BLTP1: variants seen among roughly 807,000 people sequenced by gnomAD.
BLTP1 encodes bridge-like lipid transfer protein family member 1.
chr4:122,257,509 C>T, the BLTP1 span: 1 of 1,612,968 alleles, frequency 6.2e-7, no homozygotes, highest in Non-Finnish European at 8.5e-7. Flanking sequence ...GTTTTGTAAG[C>T]CTCTATTGAG....
chr4:122,200,587 A>C, the BLTP1 span: 218 of 938,354 alleles, frequency 2.3e-4, 1 homozygote, highest in East Asian at 6.7e-3. Context: ...TCAAAACAAA[A>C]AAAAAAAAAA....
chr4:122,232,863 A>G, the BLTP1 span, among the ~76,000 whole-genome samples: 1 of 151,888 alleles, frequency 6.6e-6, no homozygotes, highest in African/African-American at 2.4e-5. Context: ...GATTCCTAGG[A>G]CTCGTGACGA....
the BLTP1 span, chr4:122,214,154 ATTG>A: frequency 3.8e-5 from 33 of 877,028 alleles, no homozygotes; most frequent in South Asian, 1.3e-3. Flanking sequence ...CTTTTAGCCT[ATTG>A]TTATTTTTTT....
the BLTP1 span, chr4:122,263,028 G>A: frequency 1.4e-4 from 224 of 1,570,322 alleles, no homozygotes; most frequent in Non-Finnish European, 1.9e-4. Context: ...ATTTACGGGG[G>A]AATTGAGATG....
chr4:122,355,197 T>C, the BLTP1 span, among the ~76,000 whole-genome samples: 1 of 152,132 alleles, frequency 6.6e-6, no homozygotes, highest in African/African-American at 2.4e-5. Context: ...ATTAGCATAA[T>C]GAACTGCTGT....
chr4:122,197,280 C>CTGTTACT, the BLTP1 span: 8 of 1,460,314 alleles, frequency 5.5e-6, no homozygotes, highest in Non-Finnish European at 7.3e-6. Flanking sequence ...AAATGGTAAG[C>CTGTTACT]TGCAACTGTT....
chr4:122,171,586 C>A, the BLTP1 span, among the ~76,000 whole-genome samples: 2 of 150,142 alleles, frequency 1.3e-5, no homozygotes, highest in African/African-American at 4.9e-5. Flanking sequence ...CCTTTTAATT[C>A]CCTGTTGGGG....
chr4:122,250,755 C>G, the BLTP1 span, among the ~76,000 whole-genome samples: 953 of 152,160 alleles, frequency 6.3e-3, 9 homozygotes, highest in African/African-American at 0.022. Context: ...AATATAATTT[C>G]CAAAGTATAT....
At chr4:122,203,820 TA>T in the BLTP1 span, 3 of 526,314 alleles carry the variant, frequency 5.7e-6, no homozygotes, top group Non-Finnish European at 7.3e-6. Flanking sequence ...AGAAATAGAC[TA>T]ATAGCTGCAA....
At chr4:122,315,678 C>G in the BLTP1 span, 2 of 1,613,932 alleles carry the variant, frequency 1.2e-6, no homozygotes, top group Non-Finnish European at 1.7e-6. Flanking sequence ...ATGTCTCCCA[C>G]TATCCATACT....
At chr4:122,354,234 T>TA in the BLTP1 span, among the ~76,000 whole-genome samples, 1 of 152,204 alleles carries the variant, frequency 6.6e-6, no homozygotes, top group Non-Finnish European at 1.5e-5. Context: ...GAAAACATTC[T>TA]AAATAAAATT....
At chr4:122,320,256 C>G in the BLTP1 span, among the ~76,000 whole-genome samples, 3 of 152,016 alleles carry the variant, frequency 2.0e-5, no homozygotes, top group African/African-American at 4.8e-5. Flanking sequence ...TCAAGCAATC[C>G]TCCTGCTTCA....
the BLTP1 span, chr4:122,272,093 G>A: frequency 6.5e-7 from 1 of 1,544,640 alleles, no homozygotes; most frequent in Non-Finnish European, 8.8e-7. Flanking sequence ...GTAAGACAAT[G>A]TTTGGAATGT....
chr4:122,359,540 C>A, the BLTP1 span: 1 of 1,604,784 alleles, frequency 6.2e-7, no homozygotes, highest in South Asian at 1.1e-5. Flanking sequence ...TCATACTAAT[C>A]TAAATTTTCC....
At chr4:122,218,330 A>G in the BLTP1 span, among the ~76,000 whole-genome samples, 1 of 152,168 alleles carries the variant, frequency 6.6e-6, no homozygotes, top group Non-Finnish European at 1.5e-5. Context: ...AAAGACAGTT[A>G]TTAAGATTTC....
chr4:122,281,495 T>C, the BLTP1 span: 195 of 1,517,942 alleles, frequency 1.3e-4, no homozygotes, highest in Non-Finnish European at 1.6e-4. Flanking sequence ...AAATGGTACG[T>C]CCTGTGTTTA....
chr4:122,359,791 G>GT, the BLTP1 span: 17 of 1,518,202 alleles, frequency 1.1e-5, no homozygotes, highest in African/African-American at 2.1e-4. Flanking sequence ...TATGAATAAT[G>GT]TAAGTTACAT....
the BLTP1 span, chr4:122,225,937 A>G: frequency 1.3e-5 from 2 of 152,208 alleles, no homozygotes; most frequent in Admixed American, 6.5e-5. Flanking sequence ...GCCTGCTAGA[A>G]TCTTACATGT....
the BLTP1 span, chr4:122,247,121 A>G: frequency 6.3e-7 from 1 of 1,578,838 alleles, no homozygotes; most frequent in Admixed American, 1.7e-5. Flanking sequence ...TGTATTATTT[A>G]AATGTTAAAC....
Sources: allele counts gnomAD v4.1 joint callset (sites outside exome capture counted in the v4.1 genomes callset), GRCh38; gene constraint gnomAD v4.1.1; transcripts MANE v1.5; gene names NCBI Gene and HGNC (gene_info 2026-07-23, HGNC 2026-07-21).